The following KIF26B variants were observed in gnomAD, a reference collection of about 807,000 sequenced individuals.
KIF26B encodes the protein kinesin-like protein KIF26B.
Under a neutral mutation model 151.2 loss-of-function variants are expected in KIF26B, and 63 were observed. The ratio of observed to expected loss-of-function variants is 0.42; its 90% CI spans 0.34 to 0.51. The LOEUF (loss-of-function observed/expected upper bound fraction) is 0.51, where lower values mean the gene tolerates loss of function less well. Among genes scored for constraint, KIF26B ranks in the 20% least tolerant of loss-of-function variants. KIF26B has a pLI of 0.07. For missense variants in KIF26B, 2,813 were observed against 2,913.6 expected, an observed-to-expected ratio of 0.97 and a Z score of 0.79; for synonymous variants, 1,357 against 1,262.1, an observed-to-expected ratio of 1.08 and a Z score of -1.59.
chr1:245,685,439 G>C lies in KIF26B; in HGVS notation c.2456G>C (p.Cys819Ser). ...TSSSSGGESS[C>S]EEGRMRRPTQ... ...AGCTCGTCCGGCGGGGAGAGCTCCT[G>C]CGAAGAAGGCCGCATGCGCAGGCCC... is the stretch of plus-strand genomic sequence containing the variant. The change falls in exon 12 of 15, where the codon TGC (cysteine) becomes TCC (serine). Residue 819 changes from cysteine (C) to serine (S), a missense_variant. Physicochemically the swap from Cys to Ser is moderately radical, Grantham distance 112. Coordinates refer to ENST00000407071, the MANE Select transcript of KIF26B (RefSeq NM_018012.4). 6.2e-7 allele frequency: 1 copy of C among 1,613,280 alleles called. No homozygotes were observed. The highest frequency in any genetic ancestry group is 1.1e-5 in the South Asian group (1 of 91,010).
intron 2 of KIF26B, among the ~76,000 whole-genome samples, chr1:245,310,811 C>G (rs942568669): frequency 6.6e-6 from 1 of 152,152 alleles, no homozygotes; most frequent in Non-Finnish European, 1.5e-5. Flanking sequence ...TGGGAAGCCC[C>G]GCTGGGCCGG....
Position 245,502,475 on chromosome 1 carries a change from C to T in KIF26B, c.1167-38292C>T, listed in dbSNP as rs149470622. Among the ~76,000 whole-genome samples the T allele has an allele frequency of 3.2e-4, 47 of 148,982 alleles. No individual in the cohort carries two copies. In the East Asian group the frequency reaches 8.9e-3, roughly 28 times the overall value. ...CCAGGAGGGGGAGGTTGCAGTGAGC[C>T]GAGATCCTGCCACTGCACTCCAACC... is the stretch of plus-strand genomic sequence containing the variant. On this transcript the variant is annotated intron_variant, in intron 4 of 14. Coordinates refer to ENST00000407071, the MANE Select transcript of KIF26B (RefSeq NM_018012.4).
chr1:245,365,514 C>A (rs998375497), intron 2 of KIF26B, among the ~76,000 whole-genome samples: 3 of 145,044 alleles, frequency 2.1e-5, no homozygotes, highest in South Asian at 2.1e-4. Context: ...CCTCACAACT[C>A]CCCCCCACCA....
chr1:245,349,303 C>T (rs573268205), intron 2 of KIF26B, among the ~76,000 whole-genome samples: 2 of 152,216 alleles, frequency 1.3e-5, no homozygotes, highest in African/African-American at 4.8e-5. Context: ...CTTCTTTCCT[C>T]TTCCTTTAAG....
At chr1:245,675,271 A>G (rs993970532) in intron 10 of KIF26B, among the ~76,000 whole-genome samples, 8 of 152,004 alleles carry the variant, frequency 5.3e-5, no homozygotes, top group African/African-American at 1.9e-4. Context: ...GTTTCATTAC[A>G]TTGGCATGAT....
intron 2 of KIF26B, among the ~76,000 whole-genome samples, chr1:245,190,917 G>A (rs1258915310): frequency 3.3e-5 from 5 of 151,034 alleles, no homozygotes; most frequent in African/African-American, 7.3e-5. Context: ...AAAATTAGCC[G>A]GTGTGGTGGC....
At chr1:245,490,932 A>G (rs1660396469) in intron 4 of KIF26B, among the ~76,000 whole-genome samples, 1 of 152,222 alleles carries the variant, frequency 6.6e-6, no homozygotes, top group African/African-American at 2.4e-5. Flanking sequence ...GGTTGGAGAA[A>G]TCAAAACAGT....
At chr1:245,523,599 T>C (rs1464131291) in intron 4 of KIF26B, among the ~76,000 whole-genome samples, 1 of 152,198 alleles carries the variant, frequency 6.6e-6, no homozygotes, top group African/African-American at 2.4e-5. Context: ...TCACAGATGG[T>C]GCCTTCTCGC....
intron 4 of KIF26B, among the ~76,000 whole-genome samples, chr1:245,509,052 ACGTCTATATACCAACTCCTCAGGT>A (rs1660778987): frequency 6.6e-6 from 1 of 152,218 alleles, no homozygotes; most frequent in Non-Finnish European, 1.5e-5. Flanking sequence ...AGTAGAGCAA[ACGTCTATATACCAACTCCTCAGGT>A]TAAGAAATCC....
chr1:245,679,457 GTTTTTTTTTTT>G (rs35663208), intron 10 of KIF26B, among the ~76,000 whole-genome samples: 3,372 of 59,282 alleles, frequency 0.057, 167 homozygotes, highest in African/African-American at 0.18. Flanking sequence ...TTTTGTGTGT[GTTTTTTTTTTT>G]TTTTTTTTTT....
chr1:245,555,873 T>A (rs543181994), intron 5 of KIF26B, among the ~76,000 whole-genome samples: 1 of 152,268 alleles, frequency 6.6e-6, no homozygotes, highest in South Asian at 2.1e-4. Flanking sequence ...GACCACTGAT[T>A]TCACAATCAT....
chr1:245,540,848 T>C lies in KIF26B; in HGVS notation c.1248T>C (p.Phe416=). The change falls in exon 5 of 15, where the codon TTT becomes TTC. Residue 416 remains phenylalanine, a synonymous_variant. Transcript: ENST00000407071. This position sits in a 1 kb window ranked among gnomAD's most constrained non-coding sequence, Gnocchi z 4.6. ...CTTCCGCTGCCGAACCACCGCTCTT[T>C]GCAACCAGCTTCAGTGGGATTCTGC... ...STSSAAEPPL[F]ATSFSGILQT... 1.9e-6 allele frequency: 3 copies of C among 1,614,002 alleles called. No individual in the cohort carries two copies. Among genetic ancestry groups the C allele is most frequent in the South Asian group, 1.1e-5 (1 of 91,082 alleles).
chr1:245,212,776 C>G (rs1669566178), intron 2 of KIF26B, among the ~76,000 whole-genome samples: 1 of 152,264 alleles, frequency 6.6e-6, no homozygotes, highest in Non-Finnish European at 1.5e-5. Flanking sequence ...TTTACCATTC[C>G]TGTTCCTCAC....
At chr1:245,531,802 A>G (rs1371632316) in intron 4 of KIF26B, among the ~76,000 whole-genome samples, 1 of 152,192 alleles carries the variant, frequency 6.6e-6, no homozygotes, top group East Asian at 1.9e-4. Context: ...AGATCATCTC[A>G]AGACCAACTG....
intron 10 of KIF26B, chr1:245,673,895 T>C (rs2044325760): frequency 6.6e-6 from 1 of 152,212 alleles, no homozygotes; most frequent in Non-Finnish European, 1.5e-5. Context: ...CTGAGAATTA[T>C]TTAAAAGTCC....
chr1:245,634,508 T>C (rs1370768764), intron 9 of KIF26B, among the ~76,000 whole-genome samples: 1 of 152,222 alleles, frequency 6.6e-6, no homozygotes, highest in Non-Finnish European at 1.5e-5. Context: ...GCCTTCTACT[T>C]ATATATTGCT....
chr1:245,501,913 T>C (rs1211696809), intron 4 of KIF26B, among the ~76,000 whole-genome samples: 1 of 152,176 alleles, frequency 6.6e-6, no homozygotes, highest in Admixed American at 6.5e-5. Flanking sequence ...TGCCGCACAT[T>C]CATGGGACGC....
intron 4 of KIF26B, among the ~76,000 whole-genome samples, chr1:245,500,465 ACT>A (rs1216111431): frequency 6.6e-6 from 1 of 152,136 alleles, no homozygotes; most frequent in Non-Finnish European, 1.5e-5. Context: ...AAAATCCATA[ACT>A]CTATATAACC....
At chr1:245,599,922 G>A (rs2043374286) in intron 5 of KIF26B, among the ~76,000 whole-genome samples, 2 of 151,938 alleles carry the variant, frequency 1.3e-5, no homozygotes, top group Admixed American at 1.3e-4. Context: ...TTACTAATAG[G>A]AGCCTTGTTG....
Sources: gnomAD v4.1 joint callset for allele counts (sites outside exome capture counted in the v4.1 genomes callset) on GRCh38, gnomAD v4.1.1 for gene constraint, Gnocchi (gnomAD v3.1) non-coding constraint, MANE v1.5 for transcripts, NCBI Gene and HGNC (gene_info 2026-07-23, HGNC 2026-07-21) for gene names.